ZNF676: variants seen among roughly 807,000 people sequenced by gnomAD.
ZNF676 encodes the protein zinc finger protein 676.
A neutral mutation model predicts 6.0 loss-of-function variants in ZNF676; 4 were observed. The ratio of observed to expected loss-of-function variants is 0.67; its 90% CI spans 0.33 to 1.53. The LOEUF (loss-of-function observed/expected upper bound fraction) is 1.53. ZNF676 is among the 40% of genes most tolerant of loss of function. The pLI, the probability that ZNF676 is intolerant of heterozygous loss-of-function variation, is 0.06. For synonymous variants in ZNF676, 198 were observed against 223.1 expected, an observed-to-expected ratio of 0.89 and a Z score of 1.00; for missense variants, 644 against 679.7, an observed-to-expected ratio of 0.95 and a Z score of 0.58.
chr19:22,257,251 C>A, the ZNF676 span, among the ~76,000 whole-genome samples: 2 of 152,140 alleles, frequency 1.3e-5, no homozygotes, highest in Non-Finnish European at 1.5e-5. Flanking sequence ...GACCCAGTCA[C>A]AATCTTCCCT....
intron 1 of ZNF676, among the ~76,000 whole-genome samples, chr19:22,213,847 A>C (rs1452203018): frequency 6.6e-6 from 1 of 152,206 alleles, no homozygotes; most frequent in Non-Finnish European, 1.5e-5. Context: ...GACAGTACTG[A>C]ATCTCAGGTC....
chr19:22,201,341 A>G (rs2024023782), upstream of ZNF676, among the ~76,000 whole-genome samples: 1 of 152,198 alleles, frequency 6.6e-6, no homozygotes, highest in African/African-American at 2.4e-5. Context: ...CACACTCTCA[A>G]AAAAGGAAAT....
intron 2 of ZNF676, among the ~76,000 whole-genome samples, chr19:22,187,793 A>G (rs2144740670): frequency 6.6e-6 from 1 of 152,286 alleles, no homozygotes; most frequent in Non-Finnish European, 1.5e-5. Flanking sequence ...ATCCCAGGAC[A>G]CATACACCCT....
At chr19:22,193,928 CTT>C (rs1360333856) in intron 1 of ZNF676, among the ~76,000 whole-genome samples, 1 of 152,118 alleles carries the variant, frequency 6.6e-6, no homozygotes, top group Non-Finnish European at 1.5e-5. Context: ...ACCTCCCACT[CTT>C]TGATATAAAA....
intron 2 of ZNF676, among the ~76,000 whole-genome samples, chr19:22,189,778 T>A (rs1284593634): frequency 2.0e-5 from 3 of 151,994 alleles, no homozygotes; most frequent in African/African-American, 7.2e-5. Context: ...AAAAAGCACA[T>A]CATTACTGGT....
chr19:22,179,771 AT>A lies in ZNF676; in HGVS notation c.*178del, dbSNP rs2023701791. ...GAGGACCGGTTGAAGCCTTTGTCAC[AT>A]TCTTCACGTTTGTAGTGTTTCTCTC... is the stretch of plus-strand genomic sequence containing the variant. On this transcript the variant is annotated 3_prime_UTR_variant, in exon 3 of 3. Transcript: ENST00000397121. 3.6e-6 allele frequency: 3 copies of A among 833,226 alleles called. No individual in the cohort carries two copies. The highest frequency in any genetic ancestry group is 6.1e-6 in the Non-Finnish European group (3 of 493,826). The allele number at this position is 833,226 out of a possible 1,614,324, so 51.6% of individuals were successfully genotyped here. A position where few individuals can be genotyped will look rare whatever the true frequency, so the allele number is the denominator to read the frequency against.
At chr19:22,214,618 ATC>A (rs1246430831) in intron 1 of ZNF676, among the ~76,000 whole-genome samples, 1 of 145,810 alleles carries the variant, frequency 6.9e-6, no homozygotes. Flanking sequence ...AAAAAAAAAA[ATC>A]TAATTCAAAT....
At chr19:22,221,903 A>C in the ZNF676 span, among the ~76,000 whole-genome samples, 1 of 152,122 alleles carries the variant, frequency 6.6e-6, no homozygotes, top group African/African-American at 2.4e-5. Flanking sequence ...GGTGTAGTTT[A>C]AGACCATTGT....
rs952320431 is a variant in ZNF676 at position 22,214,311 on chromosome 19, C to T, written c.3+1321G>A. On this transcript the variant is annotated intron_variant, in intron 1 of 3. Coordinates refer to the ZNF676 transcript ENST00000650058. ...CTGAGGAGGCTTTATTTCCTAATTT[C>T]TACTTTTAAAAAATCTAATTCGGCC... Among the ~76,000 whole-genome samples the T allele has an allele frequency of 1.9e-4, 29 of 152,090 alleles. 1 individual carries two copies. Among genetic ancestry groups the T allele is most frequent in the Middle Eastern group, 3.2e-3 (1 of 316 alleles).
chr19:22,182,584 C>A (rs77972458), intron 2 of ZNF676, among the ~76,000 whole-genome samples: 9 of 14,202 alleles, frequency 6.3e-4, no homozygotes, highest in East Asian at 2.4e-3. Flanking sequence ...AGTCAAAGTT[C>A]TAAAAAAAAA....
intron 2 of ZNF676, among the ~76,000 whole-genome samples, chr19:22,185,530 G>A (rs1417692680): frequency 2.0e-5 from 3 of 150,204 alleles, no homozygotes; most frequent in Admixed American, 6.6e-5. Flanking sequence ...TGAGTTTGAC[G>A]AATTGACAAA....
chr19:22,232,181 T>C, the ZNF676 span, among the ~76,000 whole-genome samples: 1 of 152,126 alleles, frequency 6.6e-6, no homozygotes, highest in African/African-American at 2.4e-5. Context: ...TCTTTTCTTT[T>C]TTTTTTAGAC....
chr19:22,189,625 A>G (rs2023878679), intron 2 of ZNF676, among the ~76,000 whole-genome samples: 1 of 152,182 alleles, frequency 6.6e-6, no homozygotes, highest in South Asian at 2.1e-4. Flanking sequence ...TATCCATCTG[A>G]CAAAGGGCTA....
At chr19:22,216,916 C>T (rs189925826), upstream of ZNF676, among the ~76,000 whole-genome samples, 19 of 136,504 alleles carry the variant, frequency 1.4e-4, no homozygotes, top group African/African-American at 4.5e-4. Flanking sequence ...TTCTGGGTGA[C>T]AAGAGTGAGA....
At chr19:22,223,822 A>G in the ZNF676 span, among the ~76,000 whole-genome samples, 2 of 151,930 alleles carry the variant, frequency 1.3e-5, no homozygotes, top group Non-Finnish European at 2.9e-5. Context: ...AGAGGCTTTA[A>G]TTATATTCTG....
chr19:22,215,049 AAAAAAAAAAAACAAC>A (rs950735131), intron 1 of ZNF676, among the ~76,000 whole-genome samples: 4 of 111,342 alleles, frequency 3.6e-5, no homozygotes, highest in Admixed American at 8.9e-5. Context: ...TCAAAAAAAA[AAAAAAAAAAAACAAC>A]AAAAAACCAG....
At chr19:22,242,851 G>T in the ZNF676 span, among the ~76,000 whole-genome samples, 8 of 151,468 alleles carry the variant, frequency 5.3e-5, no homozygotes, top group South Asian at 2.1e-4. Flanking sequence ...GTTGGGGGGG[G>T]GCTCTCATGA....
At chr19:22,234,284 G>A in the ZNF676 span, among the ~76,000 whole-genome samples, 1 of 152,182 alleles carries the variant, frequency 6.6e-6, no homozygotes, top group Non-Finnish European at 1.5e-5. Context: ...TGATCATAGG[G>A]AACTCCCCAT....
the ZNF676 span, among the ~76,000 whole-genome samples, chr19:22,227,846 T>C: frequency 6.6e-6 from 1 of 152,264 alleles, no homozygotes; most frequent in East Asian, 1.9e-4. Flanking sequence ...TAACAAGTTT[T>C]GAAATTGAGG....
Sources: allele counts gnomAD v4.1 joint callset (sites outside exome capture counted in the v4.1 genomes callset), GRCh38; gene constraint gnomAD v4.1.1; transcripts MANE v1.5; gene names NCBI Gene and HGNC (gene_info 2026-07-23, HGNC 2026-07-21).